CRY1: variants seen among roughly 807,000 people sequenced by gnomAD.
The protein encoded by CRY1 is cryptochrome circadian regulator 1, also known as cryptochrome-1.
In CRY1, 45 loss-of-function variants were observed where a neutral mutation model predicts 76.0. The observed-to-expected ratio is 0.59, with a 90% CI of 0.47 to 0.76. The LOEUF (loss-of-function observed/expected upper bound fraction) is 0.76, where lower values mean the gene tolerates loss of function less well. Ranked by LOEUF, CRY1 falls within the 30% of genes least tolerant of loss-of-function variation. The probability of loss-of-function intolerance (pLI) is 0.00; values close to 1 mark genes in which losing one functional copy is unlikely to be tolerated. For synonymous variants in CRY1, 248 were observed against 244.0 expected (o/e 1.02, Z -0.15); for missense variants, 587 against 716.4 (o/e 0.82, Z 2.06).
At chr12:106,995,877 CTT>C (rs1319969574) in intron 10 of CRY1, among the ~76,000 whole-genome samples, 1 of 152,088 alleles carries the variant, frequency 6.6e-6, no homozygotes, top group Non-Finnish European at 1.5e-5. Flanking sequence ...GAGTTTTGCT[CTT>C]GTTATCCAGG....
intron 2 of CRY1, among the ~76,000 whole-genome samples, chr12:107,017,613 T>C (rs1047480862): frequency 6.6e-6 from 1 of 152,180 alleles, no homozygotes; most frequent in Non-Finnish European, 1.5e-5. Flanking sequence ...AGAAGGAGCA[T>C]CCTAAGAGGG....
chr12:107,058,309 C>T (rs114842978), intron 1 of CRY1, among the ~76,000 whole-genome samples: 125 of 152,144 alleles, frequency 8.2e-4, no homozygotes, highest in African/African-American at 2.8e-3. Context: ...CACACTCACA[C>T]GCTTCAATAA....
chr12:107,040,034 C>A (rs1952780193), intron 1 of CRY1, among the ~76,000 whole-genome samples: 1 of 152,058 alleles, frequency 6.6e-6, no homozygotes, highest in African/African-American at 2.4e-5. Context: ...AGAAGCAATC[C>A]TTCAATATGT....
chr12:107,072,389 A>G (rs1461102290), intron 1 of CRY1, among the ~76,000 whole-genome samples: 1 of 152,202 alleles, frequency 6.6e-6, no homozygotes, highest in East Asian at 1.9e-4. Context: ...TTCATGTATT[A>G]ACTAGGGGTT....
At position 106,991,626 on chromosome 12, in the gene CRY1, C is replaced by A. The variant is rs1392872749; in HGVS notation, c.*376G>T. Reference sequence around the variant, plus strand: ...AAATTCTGTCCTAAAATTTTAACGTCTTTTAAGAAAGTCTAAAAACCTCCT... The same window carrying A: ...AAATTCTGTCCTAAAATTTTAACGTATTTTAAGAAAGTCTAAAAACCTCCT... On this transcript the variant is annotated 3_prime_UTR_variant, in exon 13 of 13. Coordinates refer to ENST00000008527, the MANE Select transcript of CRY1 (RefSeq NM_004075.5). The A allele has an allele frequency of 1.3e-5, 2 of 152,556 alleles. No individual in the cohort carries two copies. The highest frequency in any genetic ancestry group is 4.8e-5 in the African/African-American group (2 of 41,442). 9.5% of individuals were successfully genotyped at this position (152,556 alleles called of 1,614,324 possible).
At chr12:107,058,362 A>C (rs1953009634) in intron 1 of CRY1, among the ~76,000 whole-genome samples, 1 of 152,192 alleles carries the variant, frequency 6.6e-6, no homozygotes, top group African/African-American at 2.4e-5. Flanking sequence ...AGAGAACAAA[A>C]GTCCAAGATA....
At chr12:107,015,168 G>A (rs987525104) in intron 2 of CRY1, among the ~76,000 whole-genome samples, 1 of 152,136 alleles carries the variant, frequency 6.6e-6, no homozygotes, top group East Asian at 1.9e-4. Context: ...GAGCCACCAC[G>A]CCCAGCCTTT....
Position 106,991,766 on chromosome 12 carries a change from T to C in CRY1, c.*236A>G, listed in dbSNP as rs1260958250. 6.6e-6 allele frequency: 1 copy of C among 152,610 alleles called. No homozygotes were observed. Among genetic ancestry groups the C allele is most frequent in the South Asian group, 2.1e-4 (1 of 4,832 alleles). 9.5% of individuals were successfully genotyped at this position (152,610 alleles called of 1,614,324 possible). On this transcript the variant is annotated 3_prime_UTR_variant, in exon 13 of 13. Transcript: ENST00000008527. ...TATATCGATGGGTCTATACTAATTG[T>C]GACTGTTTATATTTACATTAAGCAA...
At chr12:107,061,281 A>G (rs1425735463) in intron 1 of CRY1, among the ~76,000 whole-genome samples, 1 of 152,152 alleles carries the variant, frequency 6.6e-6, no homozygotes, top group Non-Finnish European at 1.5e-5. Context: ...GCTCACTACT[A>G]TAAGCACTCA....
In CRY1 at chr12:107,093,543, T is replaced by C. The variant is rs1953503045; in HGVS notation, c.-582A>G. On this transcript the variant is annotated 5_prime_UTR_variant, in exon 1 of 13. Transcript: ENST00000008527. ...GTGACCGGTCCCGAGGCTGCCCGGG[T>C]GACTCTGCCGCCGCCGCCGCGTCAG... The C allele has an allele frequency of 6.6e-6, 1 of 152,168 alleles. No homozygotes were observed. Among genetic ancestry groups the C allele is most frequent in the Non-Finnish European group, 1.5e-5 (1 of 68,070 alleles). 9.4% of individuals were successfully genotyped at this position (152,168 alleles called of 1,614,324 possible).
chr12:107,081,063 A>G (rs903962327), intron 1 of CRY1, among the ~76,000 whole-genome samples: 2 of 152,036 alleles, frequency 1.3e-5, no homozygotes, highest in Non-Finnish European at 2.9e-5. Context: ...AGAAGAAGAA[A>G]CTCGTTTTGA....
chr12:107,011,356 CAAACA>C (rs1952441466), intron 2 of CRY1, among the ~76,000 whole-genome samples: 2 of 76,928 alleles, frequency 2.6e-5, no homozygotes, highest in African/African-American at 1.2e-4. Context: ...TCTCAAAAAA[CAAACA>C]AAAAAAAAAA....
chr12:107,090,710 A>G (rs899481812), intron 1 of CRY1, among the ~76,000 whole-genome samples: 17 of 152,200 alleles, frequency 1.1e-4, no homozygotes, highest in African/African-American at 3.6e-4. Context: ...AAATGGTTGG[A>G]TGAATAAATG....
rs568031886 is a variant in CRY1 at position 107,054,970 on chromosome 12, T to C, written c.159-32778A>G. On this transcript the variant is annotated intron_variant, in intron 1 of 12. Transcript: ENST00000008527. ...TGATTAAACTGTGGGGATTTTAACA[T>C]TCTTCTGATAATAATTGAGATAAGC... Among the ~76,000 whole-genome samples the C allele has an allele frequency of 2.0e-5, 3 of 152,216 alleles. No individual in the cohort carries two copies. The South Asian group carries it at 6.2e-4, about 32-fold the overall frequency.
At chr12:107,044,966 C>T (rs765271553) in intron 1 of CRY1, among the ~76,000 whole-genome samples, 52 of 152,244 alleles carry the variant, frequency 3.4e-4, no homozygotes, top group Non-Finnish European at 6.2e-4. Flanking sequence ...TTAATGAAAT[C>T]ATAGCAGAAA....
chr12:107,010,269 T>G (rs1377226789), intron 2 of CRY1, among the ~76,000 whole-genome samples: 3 of 152,202 alleles, frequency 2.0e-5, no homozygotes, highest in African/African-American at 7.2e-5. Flanking sequence ...TTCTTTCTTT[T>G]TTGTCCGAAT....
chr12:107,081,784 G>C (rs1377697922), intron 1 of CRY1, among the ~76,000 whole-genome samples: 1 of 152,020 alleles, frequency 6.6e-6, no homozygotes. Context: ...AGTATTAAGA[G>C]GTGGGGCATT....
At chr12:107,051,749 G>A (rs1287250756) in intron 1 of CRY1, among the ~76,000 whole-genome samples, 1 of 152,104 alleles carries the variant, frequency 6.6e-6, no homozygotes, top group African/African-American at 2.4e-5. Context: ...ACTAGCACAA[G>A]TCTATATAAC....
chr12:107,037,241 T>C (rs1593517832), intron 1 of CRY1, among the ~76,000 whole-genome samples: 1 of 152,106 alleles, frequency 6.6e-6, no homozygotes, highest in South Asian at 2.1e-4. Context: ...TGCTTGGACA[T>C]CAAATAGTAA....
Sources: allele counts gnomAD v4.1 joint callset (sites outside exome capture counted in the v4.1 genomes callset), GRCh38; gene constraint gnomAD v4.1.1; transcripts MANE v1.5; gene names NCBI Gene and HGNC (gene_info 2026-07-23, HGNC 2026-07-21).